The following AGAP1 variants were observed in gnomAD, a reference collection of about 807,000 sequenced individuals.
The protein encoded by AGAP1 is arf-GAP with GTPase, ANK repeat and PH domain-containing protein 1.
Under a neutral mutation model 105.3 loss-of-function variants are expected in AGAP1, and 29 were observed. The ratio of observed to expected loss-of-function variants is 0.28; its 90% CI spans 0.21 to 0.38. The LOEUF (loss-of-function observed/expected upper bound fraction) is 0.38, where lower values mean the gene tolerates loss of function less well. Ranked by LOEUF, AGAP1 falls within the 10% of genes least tolerant of loss-of-function variation. AGAP1 has a pLI of 1.00. For missense variants in AGAP1, 998 were observed against 1,165.1 expected, an observed-to-expected ratio of 0.86 and a Z score of 2.09; for synonymous variants, 509 against 485.9, an observed-to-expected ratio of 1.05 and a Z score of -0.63.
At chr2:235,583,505 G>C (rs1945002337) in intron 1 of AGAP1, among the ~76,000 whole-genome samples, 1 of 151,632 alleles carries the variant, frequency 6.6e-6, no homozygotes, top group Non-Finnish European at 1.5e-5. Context: ...CTCATACTCA[G>C]CCTCTCGTGT....
rs913494235 is a variant in AGAP1 at position 235,633,209 on chromosome 2, G to A, written c.164-75970G>A. ...GGTTTTACGGCATGCGGGAGCCTAC[G>A]GAATGAAGACCCGAAGATTCAGGGG... On this transcript the variant is annotated intron_variant, in intron 1 of 17. Coordinates refer to ENST00000304032, the MANE Select transcript of AGAP1 (RefSeq NM_001037131.3). The surrounding 1 kb of genome is among the most constrained non-coding windows in gnomAD (Gnocchi z 4.8). Among the ~76,000 whole-genome samples the A allele has an allele frequency of 2.6e-5, 4 of 152,132 alleles. No individual in the cohort carries two copies. The highest frequency in any genetic ancestry group is 2.9e-5 in the Non-Finnish European group (2 of 68,024).
At chr2:235,873,522 G>C (rs533722515) in intron 9 of AGAP1, among the ~76,000 whole-genome samples, 1 of 152,034 alleles carries the variant, frequency 6.6e-6, no homozygotes, top group Non-Finnish European at 1.5e-5. Context: ...AGGTTTACAT[G>C]TATAAATGCA....
At chr2:235,763,076 G>A (rs1212478171) in intron 6 of AGAP1, among the ~76,000 whole-genome samples, 1 of 151,138 alleles carries the variant, frequency 6.6e-6, no homozygotes, top group South Asian at 2.1e-4. Flanking sequence ...GCGCACACGT[G>A]CACCTGCCGT....
chr2:235,882,486 T>A lies in AGAP1; in HGVS notation c.1051-859T>A. ...GGCGATTCCCCCCACGTCTGGTTTG[T>A]CTGCCATTTTCTTAAAACAATCGGT... On this transcript the variant is annotated intron_variant, in intron 9 of 17. Transcript: ENST00000304032. The surrounding 1 kb of genome is among the most constrained non-coding windows in gnomAD (Gnocchi z 4.6). 1 of 1,542,378 alleles carries A rather than the reference T, an allele frequency of 6.5e-7. No individual in the cohort carries two copies. Among genetic ancestry groups the A allele is most frequent in the Non-Finnish European group, 8.9e-7 (1 of 1,121,106 alleles).
chr2:235,786,235 TGAGA>T (rs1357969371), intron 6 of AGAP1, among the ~76,000 whole-genome samples: 2 of 152,222 alleles, frequency 1.3e-5, no homozygotes, highest in East Asian at 1.9e-4. Flanking sequence ...TGAGAATAAG[TGAGA>T]GAGAAAGTTA....
chr2:236,114,403 T>G lies in AGAP1; in HGVS notation c.2115-5789T>G, dbSNP rs2059720450. 6.6e-6 allele frequency among the ~76,000 whole-genome samples: 1 copy of G among 152,244 alleles called. No homozygotes were observed. The highest frequency in any genetic ancestry group is 2.4e-5 in the African/African-American group (1 of 41,472). Reference sequence around the variant, plus strand: ...AGCGTGTCCCTTGGTCATATGTGACTTGCGTATGGAGACGCTAGTGAGAAA... The same window carrying G: ...AGCGTGTCCCTTGGTCATATGTGACGTGCGTATGGAGACGCTAGTGAGAAA... On this transcript the variant is annotated intron_variant, in intron 16 of 17. Transcript: ENST00000304032. This position sits in a 1 kb window ranked among gnomAD's most constrained non-coding sequence, Gnocchi z 5.0.
At chr2:235,880,754 CA>C (rs1221783333) in intron 9 of AGAP1, among the ~76,000 whole-genome samples, 1 of 148,664 alleles carries the variant, frequency 6.7e-6, no homozygotes, top group East Asian at 2.0e-4. Context: ...AAAAAAAAAA[CA>C]AAAAAAGAAC....
At chr2:235,508,242 C>T (rs1183426064) in intron 1 of AGAP1, among the ~76,000 whole-genome samples, 2 of 152,210 alleles carry the variant, frequency 1.3e-5, no homozygotes, top group African/African-American at 2.4e-5. Flanking sequence ...ACAGTGAACA[C>T]ACAACTAACT....
rs1484677272 is a variant in AGAP1 at position 235,792,291 on chromosome 2, C to T, written c.674-5468C>T. Among the ~76,000 whole-genome samples the T allele has an allele frequency of 6.6e-6, 1 of 152,154 alleles. No homozygotes were observed. Among genetic ancestry groups the T allele is most frequent in the African/African-American group, 2.4e-5 (1 of 41,426 alleles). ...TCTGCCCCCACTTTTCCCCACCCTT[C>T]ACGTGTCATCTGGTCCCCCACAAAG... On this transcript the variant is annotated intron_variant, in intron 6 of 17. Coordinates refer to ENST00000304032, the MANE Select transcript of AGAP1 (RefSeq NM_001037131.3). This position sits in a 1 kb window ranked among gnomAD's most constrained non-coding sequence, Gnocchi z 5.3.
At chr2:235,760,743 G>GC (rs1176897305) in intron 6 of AGAP1, among the ~76,000 whole-genome samples, 1 of 152,120 alleles carries the variant, frequency 6.6e-6, no homozygotes, top group East Asian at 1.9e-4. Flanking sequence ...ATGCCACCAT[G>GC]CCCAGGTCAT....
chr2:236,116,368 G>A (rs866706443), intron 16 of AGAP1, among the ~76,000 whole-genome samples: 2 of 56,016 alleles, frequency 3.6e-5, no homozygotes, highest in East Asian at 7.9e-4. Context: ...TTTTTTTTTT[G>A]AGAGAGAGTT....
intron 1 of AGAP1, among the ~76,000 whole-genome samples, chr2:235,522,389 C>T (rs186332226): frequency 3.5e-4 from 53 of 152,296 alleles, no homozygotes; most frequent in African/African-American, 1.0e-3. Flanking sequence ...CTCCGTAAGA[C>T]GCTCAGCCTC....
chr2:235,630,507 G>A (rs1199766907), intron 1 of AGAP1, among the ~76,000 whole-genome samples: 1 of 152,150 alleles, frequency 6.6e-6, no homozygotes, highest in South Asian at 2.1e-4. Context: ...CACCATGCCC[G>A]GCCCCTGTAC....
At chr2:235,946,230 G>GTA (rs2053493585) in intron 12 of AGAP1, among the ~76,000 whole-genome samples, 2 of 151,356 alleles carry the variant, frequency 1.3e-5, no homozygotes, top group Admixed American at 6.6e-5. Flanking sequence ...TTGTGTGTGT[G>GTA]TGGTTATGTG....
At chr2:236,122,324 T>C (rs1256762449) in intron 17 of AGAP1, among the ~76,000 whole-genome samples, 1 of 152,146 alleles carries the variant, frequency 6.6e-6, no homozygotes, top group Admixed American at 6.5e-5. Context: ...AAAGGCTCTG[T>C]CTCCAAATAC....
In AGAP1 at chr2:235,582,928, A is replaced by G. The variant is rs1944981502; in HGVS notation, c.163+88079A>G. 6.6e-6 allele frequency among the ~76,000 whole-genome samples: 1 copy of G among 152,240 alleles called. No homozygotes were observed. The highest frequency in any genetic ancestry group is 2.4e-5 in the African/African-American group (1 of 41,460). The stretch of plus-strand genomic sequence containing the variant: ...TTCCGGAATCGGGAGGAAGCTTGTA[A>G]GGCTGCTTTCCACTCATTTTATGTT... On this transcript the variant is annotated intron_variant, in intron 1 of 17. Coordinates refer to ENST00000304032, the MANE Select transcript of AGAP1 (RefSeq NM_001037131.3). This position sits in a 1 kb window ranked among gnomAD's most constrained non-coding sequence, Gnocchi z 4.7.
chr2:235,763,057 T>TGC (rs1553625039), intron 6 of AGAP1, among the ~76,000 whole-genome samples: 1 of 107,108 alleles, frequency 9.3e-6, no homozygotes, highest in African/African-American at 3.0e-5. Context: ...TGTGTATGTG[T>TGC]GCGCGCGCGC....
At chr2:235,616,953 A>AT (rs11385351) in intron 1 of AGAP1, among the ~76,000 whole-genome samples, 35,243 of 150,868 alleles carry the variant, frequency 0.23, 4,416 homozygotes, top group Middle Eastern at 0.29. Context: ...GCATCTTTAA[A>AT]TTTTTTTTAT....
In AGAP1 at chr2:235,721,431, ATCAG is replaced by A. The variant is rs1048196216; in HGVS notation, c.310+3791_310+3794del. Among the ~76,000 whole-genome samples the A allele has an allele frequency of 2.5e-4, 38 of 152,308 alleles. No individual in the cohort carries two copies. The highest frequency in any genetic ancestry group is 8.2e-4 in the African/African-American group (34 of 41,558). On this transcript the variant is annotated intron_variant, in intron 3 of 17. Transcript: ENST00000304032. This position sits in a 1 kb window ranked among gnomAD's most constrained non-coding sequence, Gnocchi z 4.5. The stretch of plus-strand genomic sequence containing the variant: ...CGTAGGGAACTTGTGATTCCATGAA[ATCAG>A]TCAAAGAGTAAACCTCTTGGATTGA...
Sources: allele counts gnomAD v4.1 joint callset (sites outside exome capture counted in the v4.1 genomes callset), GRCh38; gene constraint gnomAD v4.1.1; non-coding constraint Gnocchi (gnomAD v3.1); transcripts MANE v1.5; gene names NCBI Gene and HGNC (gene_info 2026-07-23, HGNC 2026-07-21).